NCOA7: variants seen among roughly 807,000 people sequenced by gnomAD.
NCOA7 encodes the protein 140 kDa estrogen receptor-associated protein.
Under a neutral mutation model 104.3 loss-of-function variants are expected in NCOA7, and 45 were observed. The observed-to-expected ratio is 0.43, with a 90% confidence interval of 0.34 to 0.55. The LOEUF is 0.55. Among genes scored for constraint, NCOA7 ranks in the 20% least tolerant of loss-of-function variants. The probability of loss-of-function intolerance (pLI) is 0.02; values close to 1 mark genes in which losing one functional copy is unlikely to be tolerated. For missense variants in NCOA7, 1,041 were observed against 1,119.7 expected (o/e 0.93, Z 1.00); for synonymous variants, 398 against 402.3 (o/e 0.99, Z 0.13).
chr6:125,868,042 C>G (rs1782583033), intron 3 of NCOA7, among the ~76,000 whole-genome samples: 1 of 152,160 alleles, frequency 6.6e-6, no homozygotes, highest in Non-Finnish European at 1.5e-5. Flanking sequence ...ATTGCTTTTT[C>G]AGAAGCATAT....
At chr6:125,922,469 G>A (rs972133861) in intron 12 of NCOA7, among the ~76,000 whole-genome samples, 1 of 152,224 alleles carries the variant, frequency 6.6e-6, no homozygotes, top group Admixed American at 6.5e-5. Context: ...CCCTGAATGG[G>A]AAGACACCTC....
chr6:125,829,172 A>G (rs932502879), intron 2 of NCOA7, among the ~76,000 whole-genome samples: 1 of 152,092 alleles, frequency 6.6e-6, no homozygotes, highest in Non-Finnish European at 1.5e-5. Flanking sequence ...TCCATAAAAA[A>G]TTTTTATAAC....
intron 2 of NCOA7, among the ~76,000 whole-genome samples, chr6:125,815,641 T>G (rs1777518439): frequency 6.6e-6 from 1 of 152,256 alleles, no homozygotes; most frequent in African/African-American, 2.4e-5. Flanking sequence ...GCTCAGCGAA[T>G]CCAGCTGTCA....
intron 10 of NCOA7, among the ~76,000 whole-genome samples, chr6:125,893,264 G>A (rs887816898): frequency 2.6e-5 from 4 of 152,126 alleles, no homozygotes; most frequent in African/African-American, 9.7e-5. Flanking sequence ...CTTCCCCTTC[G>A]TGGGTTACAG....
chr6:125,791,306 G>C (rs949529503), intron 1 of NCOA7, among the ~76,000 whole-genome samples: 1 of 152,246 alleles, frequency 6.6e-6, no homozygotes, highest in Admixed American at 6.5e-5. Context: ...CCACCCCTTG[G>C]GGGGCTCGTG....
chr6:125,837,225 C>T (rs562801395), intron 2 of NCOA7, among the ~76,000 whole-genome samples: 1 of 152,192 alleles, frequency 6.6e-6, no homozygotes, highest in South Asian at 2.1e-4. Flanking sequence ...TCATCTTTCC[C>T]GGATTGAAGT....
At chr6:125,801,363 C>T (rs1775872104) in intron 1 of NCOA7, among the ~76,000 whole-genome samples, 1 of 152,124 alleles carries the variant, frequency 6.6e-6, no homozygotes, top group Non-Finnish European at 1.5e-5. Flanking sequence ...TACCAATTTT[C>T]TTAATGACAT....
intron 7 of NCOA7, 140 bp downstream of exon 7, chr6:125,882,691 T>G (rs973043505): frequency 1.0e-6 from 1 of 977,214 alleles, no homozygotes; most frequent in African/African-American, 1.7e-5. Context: ...CCATTAGTTT[T>G]CTTCTGTTGG....
At chr6:125,880,176 G>A (rs2128645741) in intron 5 of NCOA7, among the ~76,000 whole-genome samples, 1 of 152,270 alleles carries the variant, frequency 6.6e-6, no homozygotes, top group East Asian at 1.9e-4. Context: ...ACATAACCCA[G>A]ACACTGTTGG....
chr6:125,833,585 G>T (rs915876791), intron 2 of NCOA7, among the ~76,000 whole-genome samples: 1 of 132,588 alleles, frequency 7.5e-6, no homozygotes, highest in Non-Finnish European at 1.6e-5. Context: ...GAAAAGGAAA[G>T]GAAAGGGAGG....
At chr6:125,880,070 G>A (rs1330285196) in intron 5 of NCOA7, among the ~76,000 whole-genome samples, 1 of 152,136 alleles carries the variant, frequency 6.6e-6, no homozygotes, top group Non-Finnish European at 1.5e-5. Context: ...AAAGAATATT[G>A]AATGACAGGA....
chr6:125,854,833 C>A (rs1221783050), intron 2 of NCOA7, among the ~76,000 whole-genome samples, 187 bp from the exon 3 acceptor site: 1 of 152,032 alleles, frequency 6.6e-6, no homozygotes, highest in African/African-American at 2.4e-5. Flanking sequence ...GGCCACAGAT[C>A]TCCATGTAAG....
At chr6:125,898,126 T>A (rs906594630) in intron 10 of NCOA7, among the ~76,000 whole-genome samples, 1 of 152,110 alleles carries the variant, frequency 6.6e-6, no homozygotes, top group African/African-American at 2.4e-5. Context: ...TATCTTCTTT[T>A]TCTTTTTCTA....
upstream of NCOA7, chr6:125,786,318 T>G (rs1774462506): frequency 6.6e-6 from 1 of 152,202 alleles, no homozygotes; most frequent in South Asian, 2.1e-4. Flanking sequence ...CATCACTTAA[T>G]GCATAAAACT....
intron 6 of NCOA7, among the ~76,000 whole-genome samples, chr6:125,881,701 C>T (rs1783846272): frequency 6.9e-6 from 1 of 144,810 alleles, no homozygotes; most frequent in African/African-American, 2.6e-5. Context: ...GGCAAAAATG[C>T]ATGCCTTGTG....
intron 9 of NCOA7, 105 bp from the exon 10 acceptor site, chr6:125,890,536 AT>A: frequency 9.1e-7 from 1 of 1,094,554 alleles, no homozygotes; most frequent in Non-Finnish European, 1.3e-6. Flanking sequence ...TGTTTCTGCA[AT>A]GTTTTGACTA....
chr6:125,892,235 T>C (rs1237249676), intron 10 of NCOA7, among the ~76,000 whole-genome samples: 1 of 152,232 alleles, frequency 6.6e-6, no homozygotes, highest in Non-Finnish European at 1.5e-5. Flanking sequence ...TGTGTTTTTT[T>C]CAATTGTGTT....
At chr6:125,786,638 G>A (rs1306238010), upstream of NCOA7, among the ~76,000 whole-genome samples, 2 of 146,480 alleles carry the variant, frequency 1.4e-5, no homozygotes, top group African/African-American at 5.1e-5. Flanking sequence ...GTGCATAAGC[G>A]CGATCTGAGC....
intron 1 of NCOA7, among the ~76,000 whole-genome samples, chr6:125,795,245 G>A (rs541867436): frequency 6.6e-6 from 1 of 152,300 alleles, no homozygotes; most frequent in South Asian, 2.1e-4. Context: ...ATTCAAAAGT[G>A]CAACTTAAAA....
Sources: gnomAD v4.1 joint callset for allele counts (sites outside exome capture counted in the v4.1 genomes callset) on GRCh38, gnomAD v4.1.1 for gene constraint, MANE v1.5 for transcripts, NCBI Gene and HGNC (gene_info 2026-07-23, HGNC 2026-07-21) for gene names.